Variants in IPO8 observed in about 807,000 individuals in gnomAD.
IPO8 encodes importin-8.
Under a neutral mutation model 141.2 loss-of-function variants are expected in IPO8, and 65 were observed. The ratio of observed to expected loss-of-function variants is 0.46; its 90% CI spans 0.38 to 0.57. The LOEUF (loss-of-function observed/expected upper bound fraction) is 0.57. IPO8 is among the 20% of genes least tolerant of loss of function. The pLI is 0.00. For synonymous variants in IPO8, 411 were observed against 420.3 expected (o/e 0.98, Z 0.27); for missense variants, 980 against 1,246.8 (o/e 0.79, Z 3.22).
chr12:30,642,352 A>G (rs1432630072), intron 20 of IPO8, among the ~76,000 whole-genome samples: 1 of 152,142 alleles, frequency 6.6e-6, no homozygotes, highest in Non-Finnish European at 1.5e-5. Context: ...CTATCTGGAC[A>G]ACAGGTTCAA....
intron 18 of IPO8, 22 bp from the exon 19 acceptor site, chr12:30,652,311 A>T: frequency 7.4e-7 from 1 of 1,343,138 alleles, no homozygotes; most frequent in Non-Finnish European, 1.1e-6. Flanking sequence ...TCAAAATCCC[A>T]ATGAGACTTG....
rs944215260 is a variant in IPO8 at position 30,691,004 on chromosome 12, C to T, written c.85-427G>A. 5.3e-5 allele frequency among the ~76,000 whole-genome samples: 8 copies of T among 152,152 alleles called. No homozygotes were observed. The South Asian group carries it at 1.7e-3, about 32-fold the overall frequency. ...TTGTTGGCTGTTTTTTCTACAAATT[C>T]CTTACTCCCTTTATCCTTTTGTAAA... On this transcript the variant is annotated intron_variant, in intron 1 of 24. Coordinates refer to ENST00000256079, the MANE Select transcript of IPO8 (RefSeq NM_006390.4).
chr12:30,652,348 C>T, intron 18 of IPO8, 59 bp from the exon 19 acceptor site: 1 of 964,230 alleles, frequency 1.0e-6, no homozygotes, highest in East Asian at 2.4e-5. Context: ...ATAAATTATT[C>T]CCACTGAAAC....
intron 3 of IPO8, 150 bp downstream of exon 3, chr12:30,684,151 A>C (rs566841435): frequency 1.6e-6 from 1 of 629,562 alleles, no homozygotes; most frequent in East Asian, 2.8e-5. Context: ...AAGACCACTA[A>C]GTAAAATAAT....
In IPO8 at chr12:30,668,962, G is replaced by A. The variant is rs571652186; in HGVS notation, c.1144+221C>T. Among the ~76,000 whole-genome samples, 10 of 152,264 alleles carry A rather than the reference G, an allele frequency of 6.6e-5. No homozygotes were observed. In the South Asian group the frequency reaches 8.3e-4, roughly 13 times the overall value. On this transcript the variant is annotated intron_variant, in intron 10 of 24. Coordinates refer to ENST00000256079, the MANE Select transcript of IPO8 (RefSeq NM_006390.4). ...AACAGATGGCTCAACTTGAGCACCC[G>A]TAAGAGAGATGAATGAGGTGGCTTT...
intron 1 of IPO8, among the ~76,000 whole-genome samples, chr12:30,694,222 A>G (rs1766242282): frequency 6.6e-6 from 1 of 152,122 alleles, no homozygotes; most frequent in South Asian, 2.1e-4. Flanking sequence ...CAGCCAACAT[A>G]CAGTACTTTT....
At chr12:30,672,185 A>C (rs1237082995) in intron 8 of IPO8, among the ~76,000 whole-genome samples, 1 of 152,134 alleles carries the variant, frequency 6.6e-6, no homozygotes, top group African/African-American at 2.4e-5. Flanking sequence ...AGAGCTCTTC[A>C]CCATATCAAG....
In IPO8 at chr12:30,695,737, G is replaced by A; in HGVS notation, c.-90C>T. On this transcript the variant is annotated 5_prime_UTR_variant, in exon 1 of 25. Coordinates refer to ENST00000256079, the MANE Select transcript of IPO8 (RefSeq NM_006390.4). This position sits in a 1 kb window ranked among gnomAD's most constrained non-coding sequence, Gnocchi z 4.2. ...TGACCCTCTCAGCCTCCTCTTCCGC[G>A]ACCCCTGGATTACCTCACACCCCAC... is the stretch of plus-strand genomic sequence containing the variant. The A allele has an allele frequency of 8.0e-7, 1 of 1,246,822 alleles. No homozygotes were observed. The highest frequency in any genetic ancestry group is 1.3e-5 in the South Asian group (1 of 74,844). 77.2% of individuals were successfully genotyped at this position (1,246,822 alleles called of 1,614,324 possible).
intron 7 of IPO8, 115 bp downstream of exon 7, chr12:30,674,544 T>C: frequency 1.3e-6 from 1 of 757,930 alleles, no homozygotes; most frequent in South Asian, 1.5e-5. Context: ...ATGATTAAAA[T>C]TAAGCTACTT....
intron 4 of IPO8, among the ~76,000 whole-genome samples, chr12:30,680,874 C>T (rs9300199): frequency 0.64 from 97,686 of 151,918 alleles, 32,621 homozygotes; most frequent in African/African-American, 0.82. Flanking sequence ...TTTAAAACAA[C>T]CCGAGACCAT....
At chr12:30,660,394 A>G (rs2052868481) in intron 16 of IPO8, among the ~76,000 whole-genome samples, 1 of 152,236 alleles carries the variant, frequency 6.6e-6, no homozygotes, top group South Asian at 2.1e-4. Context: ...AAGCAGCTGT[A>G]GGTTTTAAAT....
chr12:30,636,042 C>T (rs1200846258), intron 22 of IPO8, among the ~76,000 whole-genome samples: 1 of 152,034 alleles, frequency 6.6e-6, no homozygotes, highest in Non-Finnish European at 1.5e-5. Context: ...AAAAATCACA[C>T]ATGCAACACT....
At chr12:30,634,042 G>GAA in intron 23 of IPO8, 41 bp downstream of exon 23, 2 of 1,517,624 alleles carry the variant, frequency 1.3e-6, no homozygotes, top group Non-Finnish European at 9.1e-7. Flanking sequence ...AAAGAGTTTA[G>GAA]AAAAAAAAAT....
chr12:30,664,932 G>A (rs2052940905), intron 13 of IPO8, among the ~76,000 whole-genome samples: 1 of 152,068 alleles, frequency 6.6e-6, no homozygotes, highest in East Asian at 1.9e-4. Flanking sequence ...TAGAGACAGG[G>A]TTTCACCATG....
Position 30,666,227 on chromosome 12 carries a change from G to A in IPO8, c.1169C>T (p.Pro390Leu), listed in dbSNP as rs750626371. 14 of 1,590,158 alleles carry A rather than the reference G, an allele frequency of 8.8e-6. No homozygotes were observed. The highest frequency in any genetic ancestry group is 1.0e-5 in the Non-Finnish European group (12 of 1,166,582). ...KFDIFEDYAS[P>L]TTAAQTLLYT... Reference sequence around the variant, plus strand: ...TAAGAGAGTCTGGGCTGCTGTGGTGGGAGAAGCATAATCTTCAAAAATATC... The same window carrying A: ...TAAGAGAGTCTGGGCTGCTGTGGTGAGAGAAGCATAATCTTCAAAAATATC... The change falls in exon 11 of 25, where the codon CCC becomes CTC. Residue 390 changes from proline to leucine, a missense_variant. Transcript: ENST00000256079.
chr12:30,655,964 T>G (rs949673752), intron 17 of IPO8, among the ~76,000 whole-genome samples: 1 of 152,186 alleles, frequency 6.6e-6, no homozygotes, highest in African/African-American at 2.4e-5. Flanking sequence ...CTCTACAAAA[T>G]TCCCATCAGC....
At chr12:30,666,338 C>CA (rs1293344007) in intron 10 of IPO8, 87 bp from the exon 11 acceptor site, 7 of 942,664 alleles carry the variant, frequency 7.4e-6, no homozygotes, top group Admixed American at 2.6e-5. Context: ...TATTCCAAAC[C>CA]AAAAAAATAA....
intron 16 of IPO8, among the ~76,000 whole-genome samples, chr12:30,659,648 G>A (rs148784999): frequency 0.021 from 3,233 of 151,330 alleles, 106 homozygotes; most frequent in African/African-American, 0.073. Context: ...TCAGGAGATC[G>A]AGACCCTCCT....
chr12:30,679,999 A>G (rs1314670039), intron 5 of IPO8, among the ~76,000 whole-genome samples: 1 of 148,284 alleles, frequency 6.7e-6, no homozygotes, highest in Non-Finnish European at 1.5e-5. Context: ...TTTTTTTTTT[A>G]GGCAGTATTT....
Sources: gnomAD v4.1 joint callset for allele counts (sites outside exome capture counted in the v4.1 genomes callset) on GRCh38, gnomAD v4.1.1 for gene constraint, Gnocchi (gnomAD v3.1) non-coding constraint, MANE v1.5 for transcripts, NCBI Gene and HGNC (gene_info 2026-07-23, HGNC 2026-07-21) for gene names.